RIN2: variants seen among roughly 807,000 people sequenced by gnomAD.
RIN2 encodes RAB5 interacting protein 2.
A neutral mutation model predicts 78.0 loss-of-function variants in RIN2; 36 were observed. That is an observed-to-expected ratio of 0.46 (90% CI 0.35 to 0.61). The LOEUF (loss-of-function observed/expected upper bound fraction) is 0.61. Among genes scored for constraint, RIN2 ranks in the 20% least tolerant of loss-of-function variants. The probability of loss-of-function intolerance (pLI) is 0.00; values close to 1 mark genes in which losing one functional copy is unlikely to be tolerated. For synonymous variants in RIN2, 466 were observed against 466.8 expected, an observed-to-expected ratio of 1.00 and a Z score of 0.02; for missense variants, 1,087 against 1,159.7, an observed-to-expected ratio of 0.94 and a Z score of 0.91.
At chr20:19,946,728 A>AAG (rs1444962431) in intron 4 of RIN2, among the ~76,000 whole-genome samples, 1 of 150,674 alleles carries the variant, frequency 6.6e-6, no homozygotes, top group African/African-American at 2.5e-5. Context: ...AAAAAAAAAA[A>AAG]AAAAAGGGAA....
intron 9 of RIN2, among the ~76,000 whole-genome samples, chr20:19,989,573 G>A (rs1345127104): frequency 6.6e-6 from 1 of 152,108 alleles, no homozygotes; most frequent in African/African-American, 2.4e-5. Context: ...ACCACGCCTG[G>A]CCCTCAGAAA....
intron 4 of RIN2, among the ~76,000 whole-genome samples, chr20:19,937,274 G>C (rs541465839): frequency 6.6e-6 from 1 of 152,364 alleles, no homozygotes; most frequent in South Asian, 2.1e-4. Context: ...AAAGGGGAGA[G>C]GAGGGAAGAG....
At chr20:19,984,940 A>T (rs6035503) in intron 9 of RIN2, among the ~76,000 whole-genome samples, 59,611 of 152,066 alleles carry the variant, frequency 0.39, 14,088 homozygotes, top group East Asian at 0.72. Context: ...TCACCAACTC[A>T]GTTAGGTTCA....
At chr20:19,863,304 ATGT>A (rs1418765693) in intron 2 of RIN2, among the ~76,000 whole-genome samples, 1 of 152,140 alleles carries the variant, frequency 6.6e-6, no homozygotes, top group African/African-American at 2.4e-5. Flanking sequence ...CCTGTCATAG[ATGT>A]TGTGCGTTAC....
At chr20:19,830,546 A>G (rs2122993038) in intron 2 of RIN2, among the ~76,000 whole-genome samples, 1 of 152,324 alleles carries the variant, frequency 6.6e-6, no homozygotes, top group East Asian at 1.9e-4. Context: ...GTTTATCACA[A>G]CCTACTCAAG....
At chr20:19,833,200 G>A (rs192288738) in intron 2 of RIN2, among the ~76,000 whole-genome samples, 44 of 152,116 alleles carry the variant, frequency 2.9e-4, no homozygotes, top group African/African-American at 1.0e-3. Context: ...TCTTTTCAAT[G>A]ATAGTCATCT....
intron 9 of RIN2, among the ~76,000 whole-genome samples, chr20:19,976,355 G>T (rs1021688927): frequency 1.3e-5 from 2 of 152,162 alleles, no homozygotes; most frequent in African/African-American, 2.4e-5. Context: ...TCTCCCTCAA[G>T]GTTACCATCC....
At chr20:19,827,731 A>G (rs533792860) in intron 2 of RIN2, among the ~76,000 whole-genome samples, 8 of 152,006 alleles carry the variant, frequency 5.3e-5, no homozygotes, top group Non-Finnish European at 1.0e-4. Context: ...TTCCTGTCTT[A>G]CAGCCTTTAG....
At chr20:19,925,159 G>A (rs2040178271) in intron 3 of RIN2, among the ~76,000 whole-genome samples, 1 of 151,712 alleles carries the variant, frequency 6.6e-6, no homozygotes, top group Non-Finnish European at 1.5e-5. Context: ...GGTGCCTCAG[G>A]CAGACAGAGC....
chr20:19,875,083 A>G (rs2037814140), intron 2 of RIN2, among the ~76,000 whole-genome samples: 1 of 150,630 alleles, frequency 6.6e-6, no homozygotes. Context: ...CTGGTCTCCA[A>G]CTCCTGACTT....
chr20:19,887,474 T>C (rs2038249243), intron 2 of RIN2, among the ~76,000 whole-genome samples: 1 of 152,208 alleles, frequency 6.6e-6, no homozygotes, highest in African/African-American at 2.4e-5. Context: ...CTCATTTCCC[T>C]CTTGGAGCAG....
chr20:19,940,495 G>C (rs1450757924), intron 4 of RIN2, among the ~76,000 whole-genome samples: 2 of 152,196 alleles, frequency 1.3e-5, no homozygotes, highest in African/African-American at 4.8e-5. Context: ...TCTACCATGA[G>C]CTATTTTAAT....
Position 20,001,163 on chromosome 20 carries a change from A to C in RIN2, c.*227A>C. 1 of 535,596 alleles carries C rather than the reference A, an allele frequency of 1.9e-6. No homozygotes were observed. Among genetic ancestry groups the C allele is most frequent in the Non-Finnish European group, 3.3e-6 (1 of 299,758 alleles). The allele number at this position is 535,596 out of a possible 1,614,324, so 33.2% of individuals were successfully genotyped here. On this transcript the variant is annotated 3_prime_UTR_variant, in exon 13 of 13. Transcript: ENST00000255006. ...TTTTGGCAATGGAGAATTGCATCTGATGGTTCAAGTGTCCTGAGATTGTTT... is the reference window on the plus strand; with the variant it reads ...TTTTGGCAATGGAGAATTGCATCTGCTGGTTCAAGTGTCCTGAGATTGTTT...
intron 2 of RIN2, among the ~76,000 whole-genome samples, chr20:19,877,129 T>A (rs781717257): frequency 2.0e-4 from 31 of 152,230 alleles, no homozygotes; most frequent in Non-Finnish European, 3.4e-4. Context: ...CATTAACTTC[T>A]AACCTTCCCC....
chr20:19,826,978 T>TG (rs2036109743), intron 2 of RIN2, among the ~76,000 whole-genome samples: 1 of 148,516 alleles, frequency 6.7e-6, no homozygotes, highest in Non-Finnish European at 1.5e-5. Flanking sequence ...GTTTTGGGTT[T>TG]TTTTTTTTTT....
At chr20:19,873,173 G>T (rs2037743822) in intron 2 of RIN2, among the ~76,000 whole-genome samples, 1 of 151,262 alleles carries the variant, frequency 6.6e-6, no homozygotes, top group African/African-American at 2.4e-5. Context: ...CACCCAGGCT[G>T]GAGTGCAGTG....
chr20:19,934,306 G>C (rs1038790961), intron 3 of RIN2, among the ~76,000 whole-genome samples: 2 of 152,202 alleles, frequency 1.3e-5, no homozygotes, highest in Non-Finnish European at 2.9e-5. Flanking sequence ...AGTGAGCAGA[G>C]TGGCACCCTT....
chr20:19,970,910 A>T lies in RIN2; in HGVS notation c.609A>T (p.Glu203Asp), dbSNP rs180853961. 244 of 1,612,970 alleles carry T rather than the reference A, an allele frequency of 1.5e-4. 1 individual carries two copies. The East Asian group carries it at 4.9e-3, about 32-fold the overall frequency. Reference sequence around the variant, plus strand: ...CCAAGTCGGAGGCTCAGCTTGAAGAACTGGCCCAGATGGGACTAAGTAAGT... The same window carrying T: ...CCAAGTCGGAGGCTCAGCTTGAAGATCTGGCCCAGATGGGACTAAGTAAGT... ...STAKSEAQLE[E>D]LAQMGLNFWS... The change falls in exon 8 of 13, where the codon GAA becomes GAT. Residue 203 changes from glutamate to aspartate, a missense_variant. Glu to Asp is a conservative substitution (Grantham distance 45). Around this residue, in one of 8 missense-constraint regions of RIN2, gnomAD observed 706 missense variants for 667.5 expected, o/e 1.06. Coordinates refer to ENST00000255006, the MANE Select transcript of RIN2 (RefSeq NM_018993.4).
chr20:19,820,015 A>C (rs917728491), intron 2 of RIN2, among the ~76,000 whole-genome samples: 3 of 152,230 alleles, frequency 2.0e-5, no homozygotes, highest in African/African-American at 7.2e-5. Flanking sequence ...TGAGTATCAA[A>C]TTACTGTAAT....
Sources: gnomAD v4.1 joint callset for allele counts (sites outside exome capture counted in the v4.1 genomes callset) on GRCh38, gnomAD v4.1.1 for gene constraint, gnomAD v4.1.1 regional missense constraint, MANE v1.5 for transcripts, NCBI Gene and HGNC (gene_info 2026-07-23, HGNC 2026-07-21) for gene names.